MYOM1: variants seen among roughly 807,000 people sequenced by gnomAD.
MYOM1 encodes myomesin 1, also known as myomesin-1.
In MYOM1, 164 loss-of-function variants were observed where a neutral mutation model predicts 205.3. The ratio of observed to expected loss-of-function variants is 0.80; its 90% CI spans 0.70 to 0.91. The LOEUF (loss-of-function observed/expected upper bound fraction) is 0.91, where lower values mean the gene tolerates loss of function less well. Ranked by LOEUF, MYOM1 falls within the 40% of genes least tolerant of loss-of-function variation. The probability of loss-of-function intolerance (pLI) is 0.00; values close to 1 mark genes in which losing one functional copy is unlikely to be tolerated. For missense variants in MYOM1, 2,011 were observed against 2,127.3 expected (o/e 0.95, Z 1.08); for synonymous variants, 772 against 789.4 (o/e 0.98, Z 0.37).
At position 3,135,794 on chromosome 18, in the gene MYOM1, C is replaced by T. The variant is rs540080607; in HGVS notation, c.2026-64G>A. The T allele has an allele frequency of 3.2e-5, 51 of 1,572,984 alleles. No homozygotes were observed. In the East Asian group the frequency reaches 1.1e-3, roughly 35 times the overall value. On this transcript the variant is annotated intron_variant, in intron 14 of 37. Transcript: ENST00000356443. The surrounding 1 kb of genome is among the most constrained non-coding windows in gnomAD (Gnocchi z 4.1). ...AACACAAGCGAGAATCCAGGCCAGG[C>T]AACTCCAAGTTTCATTCATCTGCAA...
At chr18:3,151,011 AT>A (rs568526467) in intron 12 of MYOM1, among the ~76,000 whole-genome samples, 147 of 53,764 alleles carry the variant, frequency 2.7e-3, no homozygotes, top group Middle Eastern at 0.013. Flanking sequence ...CATTTTTTTC[AT>A]TTTTTTTTTT....
rs1277332548 is a variant in MYOM1, at chr18:3,135,208, C to T, written c.2209+339G>A. On this transcript the variant is annotated intron_variant, in intron 15 of 37. Coordinates refer to ENST00000356443, the MANE Select transcript of MYOM1 (RefSeq NM_003803.4). This position sits in a 1 kb window ranked among gnomAD's most constrained non-coding sequence, Gnocchi z 4.1. Reference sequence around the variant, plus strand: ...CAGGTGATCTGCCTGCCTCGGCCTCCCAAAGTGCTCAGATTACAGACATGA... The same window carrying T: ...CAGGTGATCTGCCTGCCTCGGCCTCTCAAAGTGCTCAGATTACAGACATGA... 2 of 282,732 alleles carry T rather than the reference C, an allele frequency of 7.1e-6. No homozygotes were observed. Among genetic ancestry groups the T allele is most frequent in the East Asian group, 1.7e-4 (2 of 12,054 alleles). 17.5% of individuals were successfully genotyped at this position (282,732 alleles called of 1,614,324 possible). A position where few individuals can be genotyped will look rare whatever the true frequency, so the allele number is the denominator to read the frequency against.
Position 3,129,228 on chromosome 18 carries a change from TCA to T in MYOM1, c.2794+2_2794+3del. The T allele has an allele frequency of 6.2e-7, 1 of 1,612,166 alleles. No individual in the cohort carries two copies. ...TGGAACAGCTTCCCTTTCTCAACTCTCACCTCTGTCTGTCTTCTTTTTCAGGG... is the reference window on the plus strand; with the variant it reads ...TGGAACAGCTTCCCTTTCTCAACTCTCCTCTGTCTGTCTTCTTTTTCAGGG... On this transcript the variant is annotated splice_donor_variant and splice_donor_region_variant and intron_variant, in intron 18 of 37. Coordinates refer to ENST00000356443, the MANE Select transcript of MYOM1 (RefSeq NM_003803.4). LOFTEE classifies it high-confidence loss of function.
Position 3,112,353 on chromosome 18 carries a change from C to T in MYOM1, c.3363G>A (p.Ala1121=), listed in dbSNP as rs569839525. The T allele has an allele frequency of 3.5e-5, 57 of 1,612,800 alleles. No homozygotes were observed. Among genetic ancestry groups the T allele is most frequent in the Admixed American group, 2.8e-4 (17 of 59,966 alleles). Residue 1121 remains alanine (A), a synonymous_variant, in exon 22 of 38, where the codon GCG becomes GCA. Coordinates refer to ENST00000356443, the MANE Select transcript of MYOM1 (RefSeq NM_003803.4). The stretch of plus-strand genomic sequence containing the variant: ...CAAGGTCAGATGGCTTCCCAACTCC[C>T]GCCTGGTTTATGGCTCGAACACGGA... The part of the protein sequence containing the change: ...YVFRVRAINQ[A]GVGKPSDLAG...
At chr18:3,085,939 C>T (rs2079147855) in intron 30 of MYOM1, 99 bp downstream of exon 30, 1 of 695,236 alleles carries the variant, frequency 1.4e-6, no homozygotes, top group Non-Finnish European at 2.4e-6. Flanking sequence ...TAATATAAAT[C>T]CCCTGGTCAT....
intron 2 of MYOM1, among the ~76,000 whole-genome samples, chr18:3,199,383 A>C (rs1054683920): frequency 6.6e-6 from 1 of 152,242 alleles, no homozygotes; most frequent in Non-Finnish European, 1.5e-5. Flanking sequence ...CTGGAAAATA[A>C]GGTAGTCACA....
At position 3,071,897 on chromosome 18, in the gene MYOM1, C is replaced by T. The variant is rs760062519; in HGVS notation, c.4709-8G>A. 1 of 1,602,122 alleles carries T rather than the reference C, an allele frequency of 6.2e-7. No individual in the cohort carries two copies. Among genetic ancestry groups the T allele is most frequent in the Non-Finnish European group, 8.5e-7 (1 of 1,174,224 alleles). ...CCAACACCCGGGCACGATCTGCAAG[C>T]ATAGGCATTTTGGGTTAATCACTGC... is the stretch of plus-strand genomic sequence containing the variant. On this transcript the variant is annotated splice_polypyrimidine_tract_variant and splice_region_variant and intron_variant, in intron 36 of 37. Coordinates refer to ENST00000356443, the MANE Select transcript of MYOM1 (RefSeq NM_003803.4).
intron 13 of MYOM1, among the ~76,000 whole-genome samples, chr18:3,142,983 A>G (rs2080073287): frequency 6.6e-6 from 1 of 152,228 alleles, no homozygotes; most frequent in Non-Finnish European, 1.5e-5. Flanking sequence ...TTAAAGAAAT[A>G]ATGATGAAAA....
At position 3,134,796 on chromosome 18, in the gene MYOM1, G is replaced by C. The variant is rs1567925496; in HGVS notation, c.2238C>G (p.Ile746Met). The change falls in exon 16 of 38, where the codon ATC becomes ATG. Residue 746 changes from isoleucine (I) to methionine (M), a missense_variant. Coordinates refer to ENST00000356443, the MANE Select transcript of MYOM1 (RefSeq NM_003803.4). ...CTGAGGTGTCTGTGTTTCTGCTTGG[G>C]ATGATTTTGCCAGGAGCCTTGGGGA... is the stretch of plus-strand genomic sequence containing the variant. ...LDIPKAPGKIIPSRNTDTSVV... is the reference protein window; with the variant it reads ...LDIPKAPGKIMPSRNTDTSVV... 1 of 1,613,964 alleles carries C rather than the reference G, an allele frequency of 6.2e-7. No homozygotes were observed. The highest frequency in any genetic ancestry group is 8.5e-7 in the Non-Finnish European group (1 of 1,179,882).
intron 34 of MYOM1, among the ~76,000 whole-genome samples, chr18:3,077,285 T>G (rs1041545166): frequency 3.3e-5 from 5 of 152,248 alleles, no homozygotes; most frequent in African/African-American, 1.2e-4. Context: ...TCTCAAAATG[T>G]TGGGATGACA....
chr18:3,090,912 C>T, intron 26 of MYOM1, 110 bp from the exon 27 acceptor site: 1 of 1,298,124 alleles, frequency 7.7e-7, no homozygotes, highest in South Asian at 1.4e-5. Flanking sequence ...GATGCAGTGC[C>T]TGTTCATGCC....
intron 9 of MYOM1, among the ~76,000 whole-genome samples, chr18:3,164,844 G>A (rs981580878): frequency 2.3e-4 from 35 of 152,218 alleles, no homozygotes; most frequent in African/African-American, 7.7e-4. Context: ...ATAATAATAC[G>A]TTACTAGTAG....
intron 15 of MYOM1, 103 bp from the exon 16 acceptor site, chr18:3,134,927 G>T: frequency 3.5e-6 from 4 of 1,152,104 alleles, no homozygotes; most frequent in African/African-American, 1.6e-5. Context: ...ACTTCGTCAT[G>T]TCAAAAGAAC....
chr18:3,173,573 CGTGTGTGTGTGTGTGTGTGTGT>C (rs71159051), intron 8 of MYOM1, among the ~76,000 whole-genome samples: 2 of 136,914 alleles, frequency 1.5e-5, no homozygotes, highest in African/African-American at 2.7e-5. Flanking sequence ...AGTCCAGACT[CGTGTGTGTGTGTGTGTGTGTGT>C]GTGTGTGTGT....
chr18:3,183,287 C>T (rs1037505671), intron 5 of MYOM1, among the ~76,000 whole-genome samples: 8 of 152,316 alleles, frequency 5.3e-5, no homozygotes, highest in African/African-American at 7.2e-5. Flanking sequence ...GCTGTCAGAG[C>T]GAGTTGGGAA....
chr18:3,224,569 C>G (rs1337101586), upstream of MYOM1, among the ~76,000 whole-genome samples: 1 of 152,172 alleles, frequency 6.6e-6, no homozygotes, highest in Non-Finnish European at 1.5e-5. Flanking sequence ...TTGCCTATTA[C>G]CCTGTCCTCT....
chr18:3,141,080 C>T (rs1364623638), intron 14 of MYOM1, among the ~76,000 whole-genome samples: 2 of 152,110 alleles, frequency 1.3e-5, no homozygotes, highest in Non-Finnish European at 2.9e-5. Context: ...ATGTCGTTTT[C>T]CAGTAGCAAT....
At chr18:3,122,110 C>CT (rs906114262) in intron 19 of MYOM1, among the ~76,000 whole-genome samples, 15 of 151,146 alleles carry the variant, frequency 9.9e-5, no homozygotes, top group African/African-American at 3.2e-4. Context: ...CAGAGTGAGA[C>CT]TTTGTCTCAA....
rs2080835962 is a variant in MYOM1 at position 3,187,572 on chromosome 18, A to C, written c.837T>G (p.Phe279Leu). Reference protein sequence around the residue: ...NEDHLLHAPEFIIKPRSHTVW... With the variant: ...NEDHLLHAPELIIKPRSHTVW... Reference sequence around the variant, plus strand: ...CCGTGTGGGAGCGAGGTTTAATGATAAACTCAGGAGCATGGAGAAGATGGT... The same window carrying C: ...CCGTGTGGGAGCGAGGTTTAATGATCAACTCAGGAGCATGGAGAAGATGGT... Residue 279 changes from phenylalanine (F) to leucine (L), a missense_variant, in exon 5 of 38, where the codon TTT becomes TTG. By Grantham distance (22) the Phe-to-Leu change is conservative (BLOSUM62 0). Transcript: ENST00000356443. The C allele has an allele frequency of 5.0e-6, 8 of 1,613,932 alleles. No homozygotes were observed. The highest frequency in any genetic ancestry group is 6.8e-6 in the Non-Finnish European group (8 of 1,179,836).
Sources: allele counts gnomAD v4.1 joint callset (sites outside exome capture counted in the v4.1 genomes callset), GRCh38; gene constraint gnomAD v4.1.1; non-coding constraint Gnocchi (gnomAD v3.1); transcripts MANE v1.5; gene names NCBI Gene and HGNC (gene_info 2026-07-23, HGNC 2026-07-21).